PLCXD2: variants seen among roughly 807,000 people sequenced by gnomAD.
PLCXD2 encodes phosphatidylinositol specific phospholipase C X domain containing 2.
Under a neutral mutation model 28.6 loss-of-function variants are expected in PLCXD2, and 21 were observed. The ratio of observed to expected loss-of-function variants is 0.73; its 90% confidence interval spans 0.52 to 1.06. The LOEUF is 1.06. Among genes scored for constraint, PLCXD2 ranks in the 50% least tolerant of loss-of-function variants. PLCXD2 has a pLI of 0.00. For synonymous variants in PLCXD2, 140 were observed against 150.1 expected, an observed-to-expected ratio of 0.93 and a Z score of 0.49; for missense variants, 369 against 376.7, an observed-to-expected ratio of 0.98 and a Z score of 0.17.
At chr3:111,680,960 A>C (rs1940705217) in intron 1 of PLCXD2, among the ~76,000 whole-genome samples, 1 of 152,208 alleles carries the variant, frequency 6.6e-6, no homozygotes, top group Non-Finnish European at 1.5e-5. Context: ...TCGTTTAAAA[A>C]AATCAATCAG....
At chr3:111,721,702 C>T (rs1358862037) in intron 3 of PLCXD2, 1 of 152,226 alleles carries the variant, frequency 6.6e-6, no homozygotes, top group Non-Finnish European at 1.5e-5. Context: ...AATTCTACAG[C>T]TTTTTCCAGA....
intron 2 of PLCXD2, among the ~76,000 whole-genome samples, chr3:111,711,860 G>A (rs556209226): frequency 4.0e-4 from 61 of 152,294 alleles, no homozygotes; most frequent in Middle Eastern, 3.4e-3. Context: ...AAAGTAGAAC[G>A]TAGCATTAAG....
At chr3:111,690,294 G>T (rs1440677025) in intron 1 of PLCXD2, among the ~76,000 whole-genome samples, 1 of 152,148 alleles carries the variant, frequency 6.6e-6, no homozygotes, top group Non-Finnish European at 1.5e-5. Flanking sequence ...CCCATGTCGG[G>T]ACTCTAATGC....
At chr3:111,685,579 C>T (rs1019673050) in intron 1 of PLCXD2, among the ~76,000 whole-genome samples, 4 of 152,264 alleles carry the variant, frequency 2.6e-5, no homozygotes, top group African/African-American at 9.6e-5. Context: ...TTCTCCTACC[C>T]TAAACATTTT....
intron 1 of PLCXD2, among the ~76,000 whole-genome samples, chr3:111,678,282 C>T (rs1433228373): frequency 1.3e-5 from 2 of 152,164 alleles, no homozygotes; most frequent in African/African-American, 4.8e-5. Flanking sequence ...ATTAAAATAT[C>T]TTGGAGAAGA....
intron 3 of PLCXD2, chr3:111,724,937 C>A (rs543802678): frequency 2.0e-5 from 3 of 152,254 alleles, no homozygotes; most frequent in South Asian, 4.1e-4. Context: ...TTGATTAGCT[C>A]CCCAATCATA....
At chr3:111,692,150 T>C (rs993379214) in intron 1 of PLCXD2, among the ~76,000 whole-genome samples, 6 of 152,196 alleles carry the variant, frequency 3.9e-5, no homozygotes, top group African/African-American at 1.2e-4. Context: ...CATGCCGTTC[T>C]CCAGCTTCAG....
At chr3:111,695,105 C>G (rs745756957) in intron 1 of PLCXD2, among the ~76,000 whole-genome samples, 4 of 145,100 alleles carry the variant, frequency 2.8e-5, no homozygotes, top group Non-Finnish European at 5.9e-5. Context: ...AATCCAAGCA[C>G]TTTTAGTGAG....
chr3:111,684,327 TAAA>T (rs1224720097), intron 1 of PLCXD2, among the ~76,000 whole-genome samples: 10 of 106,834 alleles, frequency 9.4e-5, no homozygotes, highest in Admixed American at 1.0e-4. Context: ...AGACTCCATC[TAAA>T]AAAAAAAAAA....
intron 3 of PLCXD2, among the ~76,000 whole-genome samples, chr3:111,715,005 T>C (rs767869505): frequency 2.2e-4 from 34 of 152,208 alleles, no homozygotes; most frequent in Admixed American, 3.3e-4. Flanking sequence ...GAAAGATTCA[T>C]CCAAAAACAT....
intron 3 of PLCXD2, chr3:111,721,218 C>T (rs1941340824): frequency 6.1e-6 from 1 of 162,964 alleles, no homozygotes; most frequent in Non-Finnish European, 1.3e-5. Flanking sequence ...CTAATTGGCC[C>T]AGCTCCCTAT....
rs937935486 is a variant in PLCXD2, at chr3:111,708,262, C to T, written c.500C>T (p.Ala167Val). 1.2e-6 allele frequency: 2 copies of T among 1,614,132 alleles called. No homozygotes were observed. Among genetic ancestry groups the T allele is most frequent in the African/African-American group, 1.3e-5 (1 of 75,028 alleles). ...TTCCTGGATTTCAACCACTTCTATG[C>T]CATGGATGAGACCCATCACAAATGC... The change falls in exon 2 of 5, where the codon GCC (alanine) becomes GTC (valine). Residue 167 changes from alanine to valine, a missense_variant. Physicochemically the swap from Ala to Val is moderately conservative, Grantham distance 64. Transcript: ENST00000477665.
intron 2 of PLCXD2, among the ~76,000 whole-genome samples, chr3:111,712,544 T>A (rs1290578597): frequency 1.3e-5 from 2 of 152,172 alleles, no homozygotes; most frequent in Admixed American, 1.3e-4. Context: ...AGTCAGACAT[T>A]ACTCAAAACC....
At chr3:111,694,752 C>T (rs766518809) in intron 1 of PLCXD2, among the ~76,000 whole-genome samples, 3 of 152,112 alleles carry the variant, frequency 2.0e-5, no homozygotes, top group Admixed American at 6.5e-5. Context: ...CTAAGGGATC[C>T]GGAGTCCAGC....
rs1238357262 is a variant in PLCXD2, at chr3:111,675,035, G to A, written c.-211G>A. On this transcript the variant is annotated 5_prime_UTR_variant, in exon 1 of 5. Coordinates refer to ENST00000477665, the MANE Select transcript of PLCXD2 (RefSeq NM_001185106.1). ...ACGGAGCTGGGACTGAGCAGATTAA[G>A]GGAGTGGAGCGGAGGCTGGGCCGGA... 5 of 584,486 alleles carry A rather than the reference G, an allele frequency of 8.6e-6. No homozygotes were observed. Among genetic ancestry groups the A allele is most frequent in the Non-Finnish European group, 1.5e-5 (5 of 331,492 alleles). The allele number at this position is 584,486 out of a possible 1,614,324, so 36.2% of individuals were successfully genotyped here.
chr3:111,698,059 T>C (rs1318336495), intron 1 of PLCXD2, among the ~76,000 whole-genome samples: 1 of 152,184 alleles, frequency 6.6e-6, no homozygotes, highest in Non-Finnish European at 1.5e-5. Context: ...GATCCTCAAA[T>C]ATAAATATTT....
At chr3:111,722,972 T>C (rs563085659) in intron 3 of PLCXD2, 25 of 152,262 alleles carry the variant, frequency 1.6e-4, no homozygotes, top group Non-Finnish European at 2.4e-4. Context: ...TGTCAAATTC[T>C]GTAGGGCCTT....
At chr3:111,726,580 A>G (rs1941418640) in intron 3 of PLCXD2, 1 of 152,192 alleles carries the variant, frequency 6.6e-6, no homozygotes, top group Non-Finnish European at 1.5e-5. Context: ...AAAGTATACC[A>G]ATTTTAAGGT....
At chr3:111,692,219 T>A (rs1940889054) in intron 1 of PLCXD2, among the ~76,000 whole-genome samples, 1 of 152,178 alleles carries the variant, frequency 6.6e-6, no homozygotes, top group Non-Finnish European at 1.5e-5. Context: ...TTTCTTTTTG[T>A]ATTTTTGTAG....
Sources: allele counts gnomAD v4.1 joint callset (sites outside exome capture counted in the v4.1 genomes callset), GRCh38; gene constraint gnomAD v4.1.1; transcripts MANE v1.5; gene names NCBI Gene and HGNC (gene_info 2026-07-23, HGNC 2026-07-21).